Variants in MYO1D observed in about 807,000 individuals in gnomAD.
MYO1D encodes myosin ID, also known as unconventional myosin-Id.
MYO1D carries 83 observed loss-of-function variants against 122.0 expected under a neutral mutation model. The observed-to-expected ratio is 0.68, with a 90% CI of 0.57 to 0.82. MYO1D has a LOEUF of 0.82. Among genes scored for constraint, MYO1D ranks in the 40% least tolerant of loss-of-function variants. MYO1D has a pLI of 0.00. For missense variants in MYO1D, 1,157 were observed against 1,269.5 expected (o/e 0.91, Z 1.35); for synonymous variants, 464 against 446.9 (o/e 1.04, Z -0.48).
At chr17:32,551,534 C>A (rs1483070625) in intron 21 of MYO1D, among the ~76,000 whole-genome samples, 1 of 137,788 alleles carries the variant, frequency 7.3e-6, no homozygotes, top group African/African-American at 2.8e-5. Flanking sequence ...TTCTCTATGT[C>A]CCCCCACCCA....
chr17:32,628,356 ATGT>A (rs2087955379), intron 20 of MYO1D, among the ~76,000 whole-genome samples: 2 of 152,196 alleles, frequency 1.3e-5, no homozygotes, highest in South Asian at 2.1e-4. Context: ...TTAATGTTTC[ATGT>A]TGTTTACAAT....
intron 21 of MYO1D, among the ~76,000 whole-genome samples, chr17:32,568,333 T>C (rs2087192246): frequency 6.6e-6 from 1 of 152,182 alleles, no homozygotes; most frequent in South Asian, 2.1e-4. Flanking sequence ...TAACCAACAT[T>C]TAGGCAAGTC....
intron 17 of MYO1D, chr17:32,658,827 G>GA: frequency 5.4e-6 from 2 of 371,562 alleles, no homozygotes; most frequent in Non-Finnish European, 9.9e-6. Context: ...GCTAATAAAA[G>GA]TAAGTAGAAA....
At chr17:32,518,562 C>G (rs1909982043) in intron 21 of MYO1D, 1 of 152,258 alleles carries the variant, frequency 6.6e-6, no homozygotes. Flanking sequence ...TTTCCTTCCA[C>G]CCCTATCACC....
intron 1 of MYO1D, among the ~76,000 whole-genome samples, chr17:32,788,420 T>C (rs996494044): frequency 1.3e-5 from 2 of 152,182 alleles, no homozygotes; most frequent in Non-Finnish European, 2.9e-5. Flanking sequence ...TGCTTTCAGG[T>C]CTTAGATTTA....
chr17:32,822,963 C>G (rs2090688201), intron 1 of MYO1D, among the ~76,000 whole-genome samples: 1 of 152,120 alleles, frequency 6.6e-6, no homozygotes, highest in Admixed American at 6.5e-5. Flanking sequence ...CACATGTACC[C>G]TAAAACTTAA....
intron 1 of MYO1D, among the ~76,000 whole-genome samples, chr17:32,863,923 T>C (rs973263216): frequency 1.3e-5 from 2 of 151,610 alleles, no homozygotes; most frequent in African/African-American, 4.8e-5. Flanking sequence ...ATGTTGAACT[T>C]TGAATAACTG....
intron 21 of MYO1D, among the ~76,000 whole-genome samples, chr17:32,536,819 A>C (rs1473032550): frequency 1.3e-5 from 2 of 152,192 alleles, no homozygotes; most frequent in Non-Finnish European, 2.9e-5. Context: ...ATTCCTTTTA[A>C]GCTTTATTAC....
intron 1 of MYO1D, among the ~76,000 whole-genome samples, chr17:32,804,687 T>C (rs918315487): frequency 6.6e-6 from 1 of 152,214 alleles, no homozygotes; most frequent in Non-Finnish European, 1.5e-5. Context: ...TTTGTTTATA[T>C]TCTCTAATAG....
intron 21 of MYO1D, among the ~76,000 whole-genome samples, chr17:32,539,955 G>A (rs914895551): frequency 3.9e-5 from 6 of 151,946 alleles, no homozygotes; most frequent in African/African-American, 9.7e-5. Flanking sequence ...TTAAAAATAC[G>A]GTCTCTAAAC....
In MYO1D at chr17:32,641,380, G is replaced by A. The variant is rs576646779; in HGVS notation, c.2596-2545C>T. 9.2e-5 allele frequency among the ~76,000 whole-genome samples: 14 copies of A among 152,048 alleles called. No individual in the cohort carries two copies. The East Asian group carries it at 2.5e-3, about 27-fold the overall frequency. ...TTCCAAGTCTTTGCTATTGTGAATAGTGCCACAATAAACATACGTGTGCAT... is the reference window on the plus strand; with the variant it reads ...TTCCAAGTCTTTGCTATTGTGAATAATGCCACAATAAACATACGTGTGCAT... On this transcript the variant is annotated intron_variant, in intron 19 of 21. Coordinates refer to ENST00000318217, the MANE Select transcript of MYO1D (RefSeq NM_015194.3).
intron 21 of MYO1D, among the ~76,000 whole-genome samples, chr17:32,564,248 T>A (rs551944179): frequency 6.6e-6 from 1 of 152,292 alleles, no homozygotes; most frequent in East Asian, 1.9e-4. Context: ...AGTTGATCCA[T>A]ATGGGCTGAG....
At chr17:32,790,716 G>T (rs2090342069) in intron 1 of MYO1D, among the ~76,000 whole-genome samples, 1 of 152,182 alleles carries the variant, frequency 6.6e-6, no homozygotes, top group South Asian at 2.1e-4. Flanking sequence ...CAGAATATAT[G>T]GGTCTCAATT....
At chr17:32,824,003 C>A (rs2090698947) in intron 1 of MYO1D, among the ~76,000 whole-genome samples, 1 of 143,188 alleles carries the variant, frequency 7.0e-6, no homozygotes, top group Admixed American at 7.2e-5. Flanking sequence ...GGAGGTGGAG[C>A]TTGCAGTGAG....
intron 21 of MYO1D, chr17:32,602,505 T>C (rs573402224): frequency 1.3e-4 from 20 of 152,330 alleles, no homozygotes; most frequent in African/African-American, 4.8e-4. Flanking sequence ...GGGCCAATTA[T>C]TCCCCCCTAC....
chr17:32,632,915 A>G (rs924806683), intron 20 of MYO1D, among the ~76,000 whole-genome samples: 2 of 152,176 alleles, frequency 1.3e-5, no homozygotes, highest in African/African-American at 2.4e-5. Flanking sequence ...GTTTATGACA[A>G]ATATGGCACT....
At chr17:32,497,887 C>T (rs553322520) in intron 21 of MYO1D, 1 of 152,490 alleles carries the variant, frequency 6.6e-6, no homozygotes, top group African/African-American at 2.4e-5. Context: ...CCCTGTCCTA[C>T]TTCTGCTGTG....
At chr17:32,846,905 T>G (rs950995847) in intron 1 of MYO1D, among the ~76,000 whole-genome samples, 1 of 152,112 alleles carries the variant, frequency 6.6e-6, no homozygotes, top group African/African-American at 2.4e-5. Context: ...GAGGAATGCT[T>G]GAGCCCAGGA....
chr17:32,847,278 C>G (rs1235981693), intron 1 of MYO1D, among the ~76,000 whole-genome samples: 1 of 152,148 alleles, frequency 6.6e-6, no homozygotes, highest in Non-Finnish European at 1.5e-5. Flanking sequence ...TTCAATGGAA[C>G]AAACATGGTG....
Sources: gnomAD v4.1 joint callset for allele counts (sites outside exome capture counted in the v4.1 genomes callset) on GRCh38, gnomAD v4.1.1 for gene constraint, MANE v1.5 for transcripts, NCBI Gene and HGNC (gene_info 2026-07-23, HGNC 2026-07-21) for gene names.